NHS: variants seen among roughly 807,000 people sequenced by gnomAD.
NHS encodes the protein actin remodeling regulator NHS.
In NHS, 5 loss-of-function variants were observed where a neutral mutation model predicts 72.5. The observed-to-expected ratio is 0.07, with a 90% CI of 0.04 to 0.14. The LOEUF (loss-of-function observed/expected upper bound fraction) is 0.14, where lower values mean the gene tolerates loss of function less well. Ranked by LOEUF, NHS falls within the 10% of genes least tolerant of loss-of-function variation. The pLI, the probability that NHS is intolerant of heterozygous loss-of-function variation, is 1.00. For synonymous variants in NHS, 464 were observed against 547.7 expected, an observed-to-expected ratio of 0.85 and a Z score of 2.13; for missense variants, 1,072 against 1,355.7, an observed-to-expected ratio of 0.79 and a Z score of 3.29.
intron 1 of NHS, chrX:17,557,409 A>G (rs1208573506): frequency 9.2e-6 from 1 of 108,701 alleles, no homozygotes; most frequent in Non-Finnish European, 1.9e-5. Flanking sequence ...GGGGAAAGTG[A>G]TGAAGGTAGA....
chrX:17,561,919 C>T (rs2065418273), intron 1 of NHS, among the ~76,000 whole-genome samples: 1 of 109,671 alleles, frequency 9.1e-6, no homozygotes, highest in African/African-American at 3.3e-5. Flanking sequence ...TATGAGGGAT[C>T]TAAATTCATA....
chrX:17,384,166 C>G (rs1355975486), intron 1 of NHS, among the ~76,000 whole-genome samples: 2 of 112,197 alleles, frequency 1.8e-5, no homozygotes, highest in Admixed American at 1.9e-4. Context: ...AAGGATGGTC[C>G]TGCTTTTCCT....
rs372394140 is a variant in NHS at position 17,525,630 on chromosome X, TTTC to T, written c.565+149311_565+149313del. Reference sequence around the variant, plus strand: ...TGTTTTGTTTTTGTTTTCTTTTTTCTTTCTTTTCTTTTTTTTTTTTTTTTTTTT... The same window carrying T: ...TGTTTTGTTTTTGTTTTCTTTTTTCTTTTTCTTTTTTTTTTTTTTTTTTTT... On this transcript the variant is annotated intron_variant, in intron 1 of 8. Coordinates refer to ENST00000676302, the MANE Select transcript of NHS (RefSeq NM_001291867.2). Among the ~76,000 whole-genome samples the T allele has an allele frequency of 5.8e-3, 597 of 103,710 alleles. 8 individuals are homozygous for T. Among genetic ancestry groups the T allele is most frequent in the African/African-American group, 0.021 (567 of 26,816 alleles). 90.1% of individuals were successfully genotyped at this position (103,710 alleles called of 115,157 possible).
At chrX:17,452,909 T>A (rs2064811518) in intron 1 of NHS, among the ~76,000 whole-genome samples, 1 of 111,976 alleles carries the variant, frequency 8.9e-6, no homozygotes, top group Admixed American at 9.4e-5. Flanking sequence ...GCCACTGACC[T>A]GGAAAGTTCT....
intron 1 of NHS, among the ~76,000 whole-genome samples, chrX:17,617,637 C>T (rs886306393): frequency 8.9e-6 from 1 of 111,848 alleles, no homozygotes; most frequent in African/African-American, 3.3e-5. Context: ...TGAAAGCACT[C>T]GGTATTATTT....
At chrX:17,534,714 G>A (rs146144848) in intron 1 of NHS, among the ~76,000 whole-genome samples, 5 of 111,928 alleles carry the variant, frequency 4.5e-5, no homozygotes, top group African/African-American at 1.6e-4. Flanking sequence ...CACAGGCCCT[G>A]GTTGTTTGAT....
intron 1 of NHS, among the ~76,000 whole-genome samples, chrX:17,425,568 A>AAAAAAAAAAAAAAG (rs2064651928): frequency 7.8e-5 from 6 of 77,028 alleles, no homozygotes; most frequent in African/African-American, 1.3e-4. Context: ...AAAAAAAAAA[A>AAAAAAAAAAAAAAG]AAAGAAAGAA....
intron 1 of NHS, among the ~76,000 whole-genome samples, chrX:17,645,216 G>A (rs1490658804): frequency 9.0e-6 from 1 of 111,370 alleles, no homozygotes; most frequent in Non-Finnish European, 1.9e-5. Flanking sequence ...ATCTTCTTGA[G>A]TTATGTTAAC....
chrX:17,496,751 C>G (rs1252215433), intron 1 of NHS, among the ~76,000 whole-genome samples: 1 of 112,014 alleles, frequency 8.9e-6, no homozygotes, highest in Non-Finnish European at 1.9e-5. Context: ...GCAAAACCCT[C>G]TCCCAATTTG....
At chrX:17,427,689 A>G (rs1418550738) in intron 1 of NHS, among the ~76,000 whole-genome samples, 1 of 112,567 alleles carries the variant, frequency 8.9e-6, no homozygotes, top group Non-Finnish European at 1.9e-5. Context: ...TCTTGCACAG[A>G]TAATAGAGGC....
chrX:17,679,544 G>A (rs189036203), intron 1 of NHS, among the ~76,000 whole-genome samples: 1 of 111,373 alleles, frequency 9.0e-6, no homozygotes, highest in African/African-American at 3.3e-5. Context: ...TGTGAGGAGT[G>A]CAAATGAGAG....
At chrX:17,471,635 A>G (rs1389054155) in intron 1 of NHS, among the ~76,000 whole-genome samples, 1 of 112,165 alleles carries the variant, frequency 8.9e-6, no homozygotes, top group Non-Finnish European at 1.9e-5. Flanking sequence ...TTACTGCTGT[A>G]ATTGAAACCA....
intron 1 of NHS, among the ~76,000 whole-genome samples, chrX:17,531,671 T>C (rs1026834187): frequency 8.9e-6 from 1 of 112,864 alleles, no homozygotes; most frequent in Non-Finnish European, 1.9e-5. Context: ...GCCCTGGCTA[T>C]GCTTCTGTCT....
intron 1 of NHS, among the ~76,000 whole-genome samples, chrX:17,476,878 C>T (rs2064921674): frequency 8.9e-6 from 1 of 112,024 alleles, no homozygotes; most frequent in African/African-American, 3.2e-5. Context: ...GAGATGCAGG[C>T]ACTAGCAGTT....
At chrX:17,719,811 C>A (rs1360861355) in intron 4 of NHS, among the ~76,000 whole-genome samples, 1 of 111,959 alleles carries the variant, frequency 8.9e-6, no homozygotes, top group Non-Finnish European at 1.9e-5. Context: ...CTTTTGGCTG[C>A]TGGTCAGAGC....
intron 1 of NHS, among the ~76,000 whole-genome samples, chrX:17,541,569 C>T (rs1181262805): frequency 1.8e-5 from 2 of 111,306 alleles, no homozygotes; most frequent in African/African-American, 6.5e-5. Context: ...ACATTTATCA[C>T]ATGTTAATAA....
chrX:17,415,094 A>G (rs1424751300), intron 1 of NHS, among the ~76,000 whole-genome samples: 1 of 111,163 alleles, frequency 9.0e-6, no homozygotes, highest in African/African-American at 3.3e-5. Context: ...TGAGCAGATG[A>G]CAAGTCTGCA....
At chrX:17,563,786 T>C (rs1470522530) in intron 1 of NHS, among the ~76,000 whole-genome samples, 1 of 105,196 alleles carries the variant, frequency 9.5e-6, no homozygotes, top group African/African-American at 3.5e-5. Context: ...GGCAAACGTA[T>C]GTGATGGAGT....
chrX:17,573,763 G>A (rs2065494719), intron 1 of NHS, among the ~76,000 whole-genome samples: 1 of 111,134 alleles, frequency 9.0e-6, no homozygotes, highest in Admixed American at 9.5e-5. Context: ...CAGCATTCTG[G>A]TTTTTGGAAT....
Sources: allele counts gnomAD v4.1 joint callset (sites outside exome capture counted in the v4.1 genomes callset), GRCh38; gene constraint gnomAD v4.1.1; transcripts MANE v1.5; gene names NCBI Gene and HGNC (gene_info 2026-07-23, HGNC 2026-07-21).